Variants in TNRC6B observed in about 807,000 individuals in gnomAD.
TNRC6B encodes trinucleotide repeat-containing gene 6B protein.
In TNRC6B, 52 loss-of-function variants were observed where a neutral mutation model predicts 203.6. The ratio of observed to expected loss-of-function variants is 0.26; its 90% CI spans 0.20 to 0.32. The LOEUF (loss-of-function observed/expected upper bound fraction) is 0.32. Among genes scored for constraint, TNRC6B ranks in the 10% least tolerant of loss-of-function variants. The pLI is 1.00. For synonymous variants in TNRC6B, 838 were observed against 845.7 expected, an observed-to-expected ratio of 0.99 and a Z score of 0.16; for missense variants, 1,923 against 2,286.2, an observed-to-expected ratio of 0.84 and a Z score of 3.24.
In TNRC6B at chr22:40,266,027, T is replaced by G; in HGVS notation, c.1797T>G (p.Asp599Glu). 1 of 1,613,746 alleles carries G rather than the reference T, an allele frequency of 6.2e-7. No individual in the cohort carries two copies. Among genetic ancestry groups the G allele is most frequent in the Non-Finnish European group, 8.5e-7 (1 of 1,179,898 alleles). ...GGTCGTACAGGCCCACACATCCTGA[T>G]TGTCAGGCTGTCTTGCAGACTCTTT... ...GRRSYRPTHP[D>E]CQAVLQTLLS... Residue 599 changes from aspartate (D) to glutamate (E), a missense_variant, in exon 5 of 23, where the codon GAT becomes GAG. Physicochemically the swap from Asp to Glu is conservative, Grantham distance 45. This residue lies in a region of TNRC6B where 614 missense variants were observed against 587.7 expected (regional missense o/e 1.04). Transcript: ENST00000454349.
At chr22:40,050,555 C>A (rs2067736111) in intron 1 of TNRC6B, among the ~76,000 whole-genome samples, 1 of 152,150 alleles carries the variant, frequency 6.6e-6, no homozygotes, top group Non-Finnish European at 1.5e-5. Context: ...ATTAAATTGT[C>A]ACCTCAGAAA....
At chr22:40,264,566 TGA>T in intron 4 of TNRC6B, 120 bp from the exon 5 acceptor site, 2 of 1,087,906 alleles carry the variant, frequency 1.8e-6, no homozygotes, top group Non-Finnish European at 2.5e-6. Flanking sequence ...GCAACTGGGT[TGA>T]GAGAAACTGG....
At chr22:40,306,077 G>A (rs1341281131) in intron 15 of TNRC6B, among the ~76,000 whole-genome samples, 1 of 152,098 alleles carries the variant, frequency 6.6e-6, no homozygotes, top group Non-Finnish European at 1.5e-5. Flanking sequence ...CGGCTCACAA[G>A]GTCAGGAGAT....
At position 40,083,468 on chromosome 22, in the gene TNRC6B, A is replaced by G. The variant is rs571488583; in HGVS notation, c.-120-33587A>G. Among the ~76,000 whole-genome samples the G allele has an allele frequency of 5.3e-5, 8 of 152,300 alleles. No individual in the cohort carries two copies. The South Asian group carries it at 1.7e-3, about 32-fold the overall frequency. The stretch of plus-strand genomic sequence containing the variant: ...CGTAGGAGGTGAGAAAGTATGAGAA[A>G]GATAGCAGGTTCTTAATTCTGATGA... On this transcript the variant is annotated intron_variant, in intron 1 of 23. Transcript: ENST00000301923.
intron 1 of TNRC6B, among the ~76,000 whole-genome samples, chr22:40,068,314 C>CTTTTG (rs946834189): frequency 1.5e-4 from 23 of 151,930 alleles, no homozygotes; most frequent in African/African-American, 5.1e-4. Context: ...GTGGTTTGTT[C>CTTTTG]TTTTGTTTTG....
rs574734651 is a variant in TNRC6B at position 40,186,694 on chromosome 22, C to T, written c.5+8554C>T. On this transcript the variant is annotated intron_variant, in intron 1 of 22. Transcript: ENST00000454349. ...CTGAGGTTGCAGTGAGCCGAGATCA[C>T]GCCACTGAACTCCAGCCTGGGTGAC... is the stretch of plus-strand genomic sequence containing the variant. 4.3e-4 allele frequency among the ~76,000 whole-genome samples: 65 copies of T among 149,528 alleles called. 2 individuals are homozygous for T. In the South Asian group the frequency reaches 0.013, roughly 29 times the overall value.
At chr22:40,104,523 T>C (rs1024631847) in intron 1 of TNRC6B, among the ~76,000 whole-genome samples, 1 of 152,188 alleles carries the variant, frequency 6.6e-6, no homozygotes. Flanking sequence ...AAATATTCAC[T>C]GAATATCTGC....
At chr22:40,166,843 C>T (rs975181274) in intron 4 of TNRC6B, among the ~76,000 whole-genome samples, 3 of 149,874 alleles carry the variant, frequency 2.0e-5, no homozygotes, top group African/African-American at 4.9e-5. Context: ...TGTAGTGAGC[C>T]GAGGTCGTGT....
At chr22:40,111,995 G>A (rs1420525060) in intron 1 of TNRC6B, among the ~76,000 whole-genome samples, 1 of 152,172 alleles carries the variant, frequency 6.6e-6, no homozygotes, top group Admixed American at 6.5e-5. Flanking sequence ...CAGCTACTTG[G>A]GAGGCTGAGG....
chr22:40,132,046 A>G (rs1052814698), intron 3 of TNRC6B, among the ~76,000 whole-genome samples: 4 of 152,212 alleles, frequency 2.6e-5, no homozygotes, highest in Non-Finnish European at 1.5e-5. Flanking sequence ...TAGAGGTTAA[A>G]TATGAAAATT....
At chr22:40,287,548 T>C (rs551208286) in intron 12 of TNRC6B, among the ~76,000 whole-genome samples, 2 of 152,264 alleles carry the variant, frequency 1.3e-5, no homozygotes, top group South Asian at 4.2e-4. Context: ...TCTTTCCCTC[T>C]AAGTTCCAGT....
At chr22:40,268,127 G>T (rs1287582850) in intron 5 of TNRC6B, among the ~76,000 whole-genome samples, 4 of 152,158 alleles carry the variant, frequency 2.6e-5, no homozygotes, top group Non-Finnish European at 5.9e-5. Flanking sequence ...TCACTCTGTT[G>T]CCCAGGCTGG....
intron 1 of TNRC6B, among the ~76,000 whole-genome samples, chr22:40,208,003 A>G (rs1196375853): frequency 1.3e-5 from 2 of 151,148 alleles, no homozygotes; most frequent in African/African-American, 4.9e-5. Flanking sequence ...AGTCCCAGCT[A>G]CTCGGGAGGC....
intron 3 of TNRC6B, among the ~76,000 whole-genome samples, chr22:40,259,677 T>G (rs1237862075): frequency 6.6e-6 from 1 of 152,228 alleles, no homozygotes; most frequent in Non-Finnish European, 1.5e-5. Flanking sequence ...TGCAGGCACC[T>G]GCTCTTTTCT....
At chr22:40,160,578 GTTGA>G (rs1456993492) in intron 4 of TNRC6B, among the ~76,000 whole-genome samples, 1 of 151,674 alleles carries the variant, frequency 6.6e-6, no homozygotes, top group African/African-American at 2.4e-5. Context: ...ATTTTTATTG[GTTGA>G]TTGATTGACT....
chr22:40,208,133 C>CA lies in TNRC6B; in HGVS notation c.5+30000dup, dbSNP rs1399436419. On this transcript the variant is annotated intron_variant, in intron 1 of 22. Transcript: ENST00000454349. ...TCTCAAAAAAAAAAAAAAAAAAAAA[C>CA]AAAAAAACAAGAAAAAAACAAGTTT... Among the ~76,000 whole-genome samples, 94 of 108,970 alleles carry CA rather than the reference C, an allele frequency of 8.6e-4. 1 individual carries two copies. Among genetic ancestry groups the CA allele is most frequent in the Admixed American group, 1.6e-3 (13 of 8,006 alleles). 71.5% of individuals were successfully genotyped at this position (108,970 alleles called of 152,430 possible). A position where few individuals can be genotyped will look rare whatever the true frequency, so the allele number is the denominator to read the frequency against.
At chr22:40,286,361 G>A (rs1003177192) in intron 12 of TNRC6B, among the ~76,000 whole-genome samples, 1 of 152,136 alleles carries the variant, frequency 6.6e-6, no homozygotes, top group Non-Finnish European at 1.5e-5. Flanking sequence ...ACAAAAATTA[G>A]CTGGGCATGG....
At chr22:40,271,760 T>G (rs2070565969) in intron 6 of TNRC6B, among the ~76,000 whole-genome samples, 1 of 152,216 alleles carries the variant, frequency 6.6e-6, no homozygotes, top group Admixed American at 6.5e-5. Flanking sequence ...TCTAAAAATG[T>G]CTTCTACTCT....
At chr22:40,238,569 C>G (rs1932554476) in intron 1 of TNRC6B, among the ~76,000 whole-genome samples, 1 of 152,138 alleles carries the variant, frequency 6.6e-6, no homozygotes, top group Non-Finnish European at 1.5e-5. Flanking sequence ...ATACACCAAT[C>G]TCACTGATTG....
Sources: allele counts gnomAD v4.1 joint callset (sites outside exome capture counted in the v4.1 genomes callset), GRCh38; gene constraint gnomAD v4.1.1; regional missense constraint gnomAD v4.1.1; transcripts MANE v1.5; gene names NCBI Gene and HGNC (gene_info 2026-07-23, HGNC 2026-07-21).